PPP1R12A: variants seen among roughly 807,000 people sequenced by gnomAD.
PPP1R12A encodes protein phosphatase 1 regulatory subunit 12A.
PPP1R12A carries 19 observed loss-of-function variants against 139.6 expected under a neutral mutation model. The ratio of observed to expected loss-of-function variants is 0.14; its 90% CI spans 0.09 to 0.20. The LOEUF (loss-of-function observed/expected upper bound fraction) is 0.20, where lower values mean the gene tolerates loss of function less well. PPP1R12A is among the 10% of genes least tolerant of loss of function. The probability of loss-of-function intolerance (pLI) is 1.00; values close to 1 mark genes in which losing one functional copy is unlikely to be tolerated. For missense variants in PPP1R12A, 925 were observed against 1,211.5 expected (o/e 0.76, Z 3.51); for synonymous variants, 427 against 420.6 (o/e 1.02, Z -0.19).
rs1421572164 is a variant in PPP1R12A, at chr12:79,793,090, A to G, written c.2649+773T>C. 7.9e-5 allele frequency among the ~76,000 whole-genome samples: 12 copies of G among 152,346 alleles called. No homozygotes were observed. The East Asian group carries it at 2.1e-3, about 27-fold the overall frequency. On this transcript the variant is annotated intron_variant, in intron 19 of 24. Coordinates refer to ENST00000450142, the MANE Select transcript of PPP1R12A (RefSeq NM_002480.3). ...GGAACTTCAACTCAAAATGAAGAAA[A>G]TAATATTAATATGACCAGAATGCTA...
chr12:79,836,226 A>C (rs1400498942), intron 3 of PPP1R12A, among the ~76,000 whole-genome samples: 3 of 152,192 alleles, frequency 2.0e-5, no homozygotes, highest in Admixed American at 2.0e-4. Context: ...CTTGTATCAA[A>C]AATTTCCCAC....
At chr12:79,879,759 T>C (rs1465096090) in intron 1 of PPP1R12A, among the ~76,000 whole-genome samples, 3 of 152,148 alleles carry the variant, frequency 2.0e-5, no homozygotes. Flanking sequence ...GAAATGTCCC[T>C]ATCTTTGTCG....
chr12:79,821,651 G>A (rs771915787), intron 6 of PPP1R12A, among the ~76,000 whole-genome samples: 51 of 151,998 alleles, frequency 3.4e-4, no homozygotes, highest in Admixed American at 1.4e-3. Flanking sequence ...TACTCAGGAG[G>A]CTGAGGCAGG....
chr12:79,920,799 A>G (rs974271920), intron 1 of PPP1R12A, among the ~76,000 whole-genome samples: 2 of 152,238 alleles, frequency 1.3e-5, no homozygotes, highest in African/African-American at 4.8e-5. Context: ...CCAACAGGCA[A>G]GAAGGCTCTC....
chr12:79,898,316 T>C (rs1592791652), intron 1 of PPP1R12A, among the ~76,000 whole-genome samples: 1 of 151,986 alleles, frequency 6.6e-6, no homozygotes, highest in South Asian at 2.1e-4. Flanking sequence ...ATTAGCCAGG[T>C]GTGGCGGTGT....
chr12:79,797,623 G>A (rs1056227651), intron 15 of PPP1R12A, among the ~76,000 whole-genome samples: 1 of 151,994 alleles, frequency 6.6e-6, no homozygotes, highest in Non-Finnish European at 1.5e-5. Flanking sequence ...TTCCCCACAA[G>A]TTCAAACTAG....
chr12:79,776,061 A>G (rs1375429436), intron 24 of PPP1R12A, 46 bp from the exon 25 acceptor site: 1 of 1,112,352 alleles, frequency 9.0e-7, no homozygotes, highest in South Asian at 1.5e-5. Flanking sequence ...TCAATATTAA[A>G]AGATAAAACA....
At chr12:79,885,537 GT>G (rs1339168970) in intron 1 of PPP1R12A, among the ~76,000 whole-genome samples, 1 of 152,058 alleles carries the variant, frequency 6.6e-6, no homozygotes, top group Non-Finnish European at 1.5e-5. Context: ...CCTGCCAAAA[GT>G]TTCTAAGAGG....
intron 1 of PPP1R12A, among the ~76,000 whole-genome samples, chr12:79,912,448 T>C (rs1886649468): frequency 6.6e-6 from 1 of 152,012 alleles, no homozygotes. Context: ...TCCCCACACT[T>C]TGGAAGGCCA....
chr12:79,902,359 C>G (rs1885724438), intron 1 of PPP1R12A, among the ~76,000 whole-genome samples: 1 of 152,044 alleles, frequency 6.6e-6, no homozygotes, highest in South Asian at 2.1e-4. Context: ...TTATTTTATA[C>G]ATACAGTATT....
At chr12:79,866,904 A>C (rs1425018399) in intron 2 of PPP1R12A, among the ~76,000 whole-genome samples, 1 of 152,224 alleles carries the variant, frequency 6.6e-6, no homozygotes, top group East Asian at 1.9e-4. Flanking sequence ...TATGGAAGAC[A>C]GTGTGGCGAT....
At chr12:79,865,792 C>T (rs1432808631) in intron 2 of PPP1R12A, among the ~76,000 whole-genome samples, 1 of 152,120 alleles carries the variant, frequency 6.6e-6, no homozygotes, top group African/African-American at 2.4e-5. Flanking sequence ...AGGAGAACTA[C>T]AAACCACTGC....
Position 79,775,762 on chromosome 12 carries a change from C to T in PPP1R12A, c.*167G>A. ...CAAACCAACAACAACAAAAACACCC[C>T]AGAAAATTAAACAAAATGAAACAAA... On this transcript the variant is annotated 3_prime_UTR_variant, in exon 25 of 25. Coordinates refer to ENST00000450142, the MANE Select transcript of PPP1R12A (RefSeq NM_002480.3). 2.3e-6 allele frequency: 1 copy of T among 430,562 alleles called. No homozygotes were observed. Among genetic ancestry groups the T allele is most frequent in the Non-Finnish European group, 4.0e-6 (1 of 247,880 alleles). 26.7% of individuals were successfully genotyped at this position (430,562 alleles called of 1,614,324 possible).
chr12:79,881,595 T>C (rs1020786074), intron 1 of PPP1R12A, among the ~76,000 whole-genome samples: 7 of 152,170 alleles, frequency 4.6e-5, no homozygotes, highest in African/African-American at 1.7e-4. Context: ...ATCATACAAG[T>C]GCAAGGTGAA....
chr12:79,865,194 A>G (rs954369950), intron 2 of PPP1R12A, among the ~76,000 whole-genome samples: 2 of 152,242 alleles, frequency 1.3e-5, no homozygotes, highest in Admixed American at 6.5e-5. Flanking sequence ...AATCCATCAC[A>G]TAAACAGAAC....
chr12:79,881,523 A>T (rs1223443381), intron 1 of PPP1R12A, among the ~76,000 whole-genome samples: 1 of 152,224 alleles, frequency 6.6e-6, no homozygotes, highest in Middle Eastern at 3.2e-3. Context: ...AAGCTGGAGA[A>T]GAAAAGTCTG....
intron 9 of PPP1R12A, among the ~76,000 whole-genome samples, chr12:79,811,743 T>C (rs1240842119): frequency 1.3e-5 from 2 of 152,036 alleles, no homozygotes; most frequent in Non-Finnish European, 2.9e-5. Context: ...CTTTTTTTTA[T>C]TTTTTTTCTC....
chr12:79,878,025 C>A (rs1397044884), intron 1 of PPP1R12A, among the ~76,000 whole-genome samples: 2 of 151,692 alleles, frequency 1.3e-5, no homozygotes, highest in Non-Finnish European at 2.9e-5. Context: ...TGGGGAAATG[C>A]CCACAATATA....
intron 3 of PPP1R12A, among the ~76,000 whole-genome samples, chr12:79,832,804 ATTT>A (rs200011991): frequency 6.7e-6 from 1 of 150,126 alleles, no homozygotes; most frequent in Non-Finnish European, 1.5e-5. Flanking sequence ...TTTGGGCTAA[ATTT>A]TTTTTTTAAC....
Sources: allele counts gnomAD v4.1 joint callset (sites outside exome capture counted in the v4.1 genomes callset), GRCh38; gene constraint gnomAD v4.1.1; transcripts MANE v1.5; gene names NCBI Gene and HGNC (gene_info 2026-07-23, HGNC 2026-07-21).